TSNARE1: variants seen among roughly 807,000 people sequenced by gnomAD.
TSNARE1 encodes the protein t-SNARE domain containing 1.
TSNARE1 carries 49 observed loss-of-function variants against 62.0 expected under a neutral mutation model. That is an observed-to-expected ratio of 0.79 (90% CI 0.63 to 1.00). The LOEUF is 1.00. Ranked by LOEUF, TSNARE1 falls within the 50% of genes least tolerant of loss-of-function variation. TSNARE1 has a pLI of 0.00. For missense variants in TSNARE1, 755 were observed against 700.1 expected (o/e 1.08, Z -0.88); for synonymous variants, 328 against 294.4 (o/e 1.11, Z -1.17).
At chr8:142,309,742 A>G (rs1163468470) in intron 9 of TSNARE1, among the ~76,000 whole-genome samples, 1 of 152,150 alleles carries the variant, frequency 6.6e-6, no homozygotes, top group Non-Finnish European at 1.5e-5. Context: ...ATCTGGAATC[A>G]AGGTACTGGG....
chr8:142,363,878 C>G (rs1835340626), intron 1 of TSNARE1, among the ~76,000 whole-genome samples: 1 of 152,166 alleles, frequency 6.6e-6, no homozygotes. Context: ...CTGGTCACAC[C>G]TGCTCACAAG....
chr8:142,349,169 G>A (rs1833768850), intron 2 of TSNARE1, among the ~76,000 whole-genome samples: 1 of 152,242 alleles, frequency 6.6e-6, no homozygotes, highest in African/African-American at 2.4e-5. Flanking sequence ...CAACACTGGT[G>A]CTTTTCTTTC....
intron 13 of TSNARE1, among the ~76,000 whole-genome samples, chr8:142,224,697 G>C (rs1816689027): frequency 6.6e-6 from 1 of 150,878 alleles, no homozygotes; most frequent in Non-Finnish European, 1.5e-5. Context: ...CCCAAGCTGG[G>C]TTGTGGCTGT....
Position 142,344,064 on chromosome 8 carries a change from G to T in TSNARE1, c.647C>A (p.Pro216His). 6.2e-7 allele frequency: 1 copy of T among 1,602,604 alleles called. No homozygotes were observed. The highest frequency in any genetic ancestry group is 8.5e-7 in the Non-Finnish European group (1 of 1,173,042). Residue 216 changes from proline to histidine, a missense_variant, in exon 4 of 14, where the codon CCC becomes CAC. Physicochemically the swap from Pro to His is moderately conservative, Grantham distance 77. Coordinates refer to ENST00000524325, the MANE Select transcript of TSNARE1 (RefSeq NM_145003.5). ...CACGGGCGTGAGAGCCAGGGCCTGG[G>T]GCTTGCCGGAACCAGGGCTGGGGCC... ...AHGPSPGSGK[P>H]QALALTPVEQ... is the part of the protein sequence containing the mutation.
chr8:142,397,630 A>T (rs1049249444), intron 1 of TSNARE1, among the ~76,000 whole-genome samples: 1 of 152,170 alleles, frequency 6.6e-6, no homozygotes, highest in Non-Finnish European at 1.5e-5. Flanking sequence ...ACAACAGTTG[A>T]TCTGGCCACA....
intron 1 of TSNARE1, among the ~76,000 whole-genome samples, chr8:142,377,116 C>T (rs1836400920): frequency 6.6e-6 from 1 of 152,234 alleles, no homozygotes; most frequent in African/African-American, 2.4e-5. Context: ...AGCACGTCCC[C>T]TCATGTTCTC....
chr8:142,225,010 C>A (rs1169637061), intron 13 of TSNARE1, among the ~76,000 whole-genome samples: 3 of 152,096 alleles, frequency 2.0e-5, no homozygotes, highest in African/African-American at 7.2e-5. Flanking sequence ...AGCAACAGAG[C>A]CAAGGGAGGC....
chr8:142,266,459 A>G (rs887361954), intron 12 of TSNARE1, among the ~76,000 whole-genome samples: 1 of 152,156 alleles, frequency 6.6e-6, no homozygotes, highest in Non-Finnish European at 1.5e-5. Flanking sequence ...GAATGTCTGT[A>G]TTTTGCCTTT....
chr8:142,269,970 T>C, intron 12 of TSNARE1: 7 of 985,424 alleles, frequency 7.1e-6, no homozygotes, highest in Non-Finnish European at 8.4e-6. Context: ...CTGTAGTCTT[T>C]TGACTCTCGG....
At chr8:142,315,116 C>T (rs757192419) in intron 7 of TSNARE1, 24 bp from the exon 8 acceptor site, 54 of 1,613,236 alleles carry the variant, frequency 3.3e-5, no homozygotes, top group South Asian at 4.4e-5. Flanking sequence ...ACAGCTGGCA[C>T]GGCATGGGAG....
intron 11 of TSNARE1, chr8:142,276,332 G>C: frequency 1.0e-6 from 1 of 985,486 alleles, no homozygotes; most frequent in Non-Finnish European, 1.2e-6. Flanking sequence ...AATGGAGGAG[G>C]AGAGGGAAGG....
intron 1 of TSNARE1, among the ~76,000 whole-genome samples, chr8:142,359,097 G>A (rs1834964759): frequency 6.6e-6 from 1 of 152,050 alleles, no homozygotes; most frequent in Non-Finnish European, 1.5e-5. Context: ...CACCCAGGCT[G>A]TTACTCGGCT....
At chr8:142,368,617 A>C (rs1453092175) in intron 1 of TSNARE1, among the ~76,000 whole-genome samples, 2 of 152,172 alleles carry the variant, frequency 1.3e-5, no homozygotes, top group Non-Finnish European at 2.9e-5. Flanking sequence ...AAGAAGAATG[A>C]AGCCACCTGG....
intron 10 of TSNARE1, among the ~76,000 whole-genome samples, chr8:142,292,175 C>T (rs569968420): frequency 1.3e-5 from 2 of 152,238 alleles, no homozygotes; most frequent in African/African-American, 4.8e-5. Context: ...GCCAGAACAC[C>T]AACACGAGAC....
intron 12 of TSNARE1, among the ~76,000 whole-genome samples, chr8:142,262,324 CGTGTGTGT>C (rs144256368): frequency 2.7e-5 from 4 of 148,774 alleles, no homozygotes; most frequent in Non-Finnish European, 6.0e-5. Flanking sequence ...TATCCATGAA[CGTGTGTGT>C]GTGTGTGTGT....
Position 142,351,141 on chromosome 8 carries a change from T to A in TSNARE1, c.88+3496A>T, listed in dbSNP as rs188465783. ...AGCAGGGAAGCAGTTTGGGGGCACA[T>A]GTACCGCCACACTGGCCACGAGCAG... On this transcript the variant is annotated intron_variant, in intron 2 of 13. Coordinates refer to ENST00000524325, the MANE Select transcript of TSNARE1 (RefSeq NM_145003.5). Among the ~76,000 whole-genome samples the A allele has an allele frequency of 5.7e-3, 864 of 152,346 alleles. 4 individuals carry two copies. Among genetic ancestry groups the A allele is most frequent in the Middle Eastern group, 0.01 (3 of 294 alleles).
At chr8:142,278,773 G>C (rs1056563175) in intron 11 of TSNARE1, 60 of 985,442 alleles carry the variant, frequency 6.1e-5, no homozygotes, top group East Asian at 1.1e-4. Context: ...GAGAGTCACC[G>C]GACAGCACCA....
chr8:142,253,813 G>A (rs1158554369), intron 12 of TSNARE1, among the ~76,000 whole-genome samples: 2 of 152,216 alleles, frequency 1.3e-5, no homozygotes, highest in Non-Finnish European at 2.9e-5. Context: ...GGCCCGGCAC[G>A]TGGCCCATGT....
intron 12 of TSNARE1, chr8:142,273,618 G>A: frequency 1.0e-6 from 1 of 985,356 alleles, no homozygotes; most frequent in Non-Finnish European, 1.2e-6. Context: ...TTGGTGACCT[G>A]AACCTTCTGA....
Sources: gnomAD v4.1 joint callset for allele counts (sites outside exome capture counted in the v4.1 genomes callset) on GRCh38, gnomAD v4.1.1 for gene constraint, MANE v1.5 for transcripts, NCBI Gene and HGNC (gene_info 2026-07-23, HGNC 2026-07-21) for gene names.